UNC79: variants seen among roughly 807,000 people sequenced by gnomAD.
UNC79 encodes the protein protein unc-79 homolog.
UNC79 carries 37 observed loss-of-function variants against 283.1 expected under a neutral mutation model. That is an observed-to-expected ratio of 0.13 (90% CI 0.10 to 0.17). The LOEUF is 0.17. Ranked by LOEUF, UNC79 falls within the 10% of genes least tolerant of loss-of-function variation. The pLI is 1.00. For synonymous variants in UNC79, 1,107 were observed against 1,200.2 expected (o/e 0.92, Z 1.61); for missense variants, 2,272 against 3,211.1 (o/e 0.71, Z 7.07).
In UNC79 at chr14:93,479,699, G is replaced by A. The variant is rs369006894; in HGVS notation, c.619+1971G>A. On this transcript the variant is annotated intron_variant, in intron 4 of 48. Transcript: ENST00000555664. Reference sequence around the variant, plus strand: ...GCCTGGGCTGGAGTGCAGTGGCACAGTCATAGCTCACTGCAGCCTCAAACT... The same window carrying A: ...GCCTGGGCTGGAGTGCAGTGGCACAATCATAGCTCACTGCAGCCTCAAACT... Among the ~76,000 whole-genome samples, 14 of 152,184 alleles carry A rather than the reference G, an allele frequency of 9.2e-5. No homozygotes were observed. In the East Asian group the frequency reaches 1.7e-3, roughly 19 times the overall value.
At position 93,684,161 on chromosome 14, in the gene UNC79, A is replaced by C. The variant is rs1595062227; in HGVS notation, c.6819+1467A>C. 2.6e-5 allele frequency among the ~76,000 whole-genome samples: 4 copies of C among 152,332 alleles called. No homozygotes were observed. In the South Asian group the frequency reaches 8.3e-4, roughly 32 times the overall value. ...AATCTCTAGGACTTACTCACTTTGC[A>C]TAATTGAAGCCTTGGACCTTTTGAC... On this transcript the variant is annotated intron_variant, in intron 42 of 48. Transcript: ENST00000555664.
chr14:93,489,892 C>T (rs763246881), intron 5 of UNC79, among the ~76,000 whole-genome samples: 36 of 152,320 alleles, frequency 2.4e-4, no homozygotes, highest in Admixed American at 4.6e-4. Context: ...GGCTGGGGTC[C>T]GGTGCCCATG....
At chr14:93,439,132 A>G (rs534797532) in intron 1 of UNC79, among the ~76,000 whole-genome samples, 8 of 152,176 alleles carry the variant, frequency 5.3e-5, no homozygotes, top group Admixed American at 1.3e-4. Context: ...AAGATATACA[A>G]TTGTATGCTC....
intron 1 of UNC79, among the ~76,000 whole-genome samples, chr14:93,424,897 T>G (rs768808729): frequency 4.6e-5 from 7 of 152,142 alleles, no homozygotes; most frequent in Non-Finnish European, 1.0e-4. Context: ...AGAGAAATGC[T>G]TGAGGTGATG....
chr14:93,570,453 A>T (rs369460321), intron 14 of UNC79, among the ~76,000 whole-genome samples: 6 of 152,154 alleles, frequency 3.9e-5, no homozygotes, highest in African/African-American at 9.7e-5. Context: ...CTGCCCTCTG[A>T]GCATATCATT....
At chr14:93,404,513 TAA>T (rs1555404615) in intron 1 of UNC79, among the ~76,000 whole-genome samples, 31 of 113,260 alleles carry the variant, frequency 2.7e-4, no homozygotes, top group African/African-American at 1.0e-3. Context: ...TATATATATA[TAA>T]ATATATACAT....
chr14:93,653,819 G>A (rs866120639), exon 36 of UNC79: 2 of 1,614,124 alleles, frequency 1.2e-6, no homozygotes, highest in East Asian at 2.2e-5. Flanking sequence ...GCCCCCAACG[G>A]CATCTTCCCG....
chr14:93,452,492 G>A (rs541220360), intron 1 of UNC79, among the ~76,000 whole-genome samples: 2 of 150,662 alleles, frequency 1.3e-5, no homozygotes, highest in East Asian at 3.9e-4. Flanking sequence ...AGGTTCAAGC[G>A]ATTCTCCTTC....
chr14:93,595,304 G>T (rs2064995798), intron 23 of UNC79, among the ~76,000 whole-genome samples: 1 of 151,968 alleles, frequency 6.6e-6, no homozygotes, highest in African/African-American at 2.4e-5. Flanking sequence ...TGGCCAGGCT[G>T]GTCTTGAACT....
At chr14:93,452,313 T>C (rs2056667051) in intron 1 of UNC79, among the ~76,000 whole-genome samples, 2 of 151,914 alleles carry the variant, frequency 1.3e-5, no homozygotes, top group Admixed American at 1.3e-4. Context: ...AACTGGCACA[T>C]AGTTAACTAC....
At chr14:93,539,268 A>G (rs2141159999) in intron 12 of UNC79, among the ~76,000 whole-genome samples, 1 of 147,406 alleles carries the variant, frequency 6.8e-6, no homozygotes, top group East Asian at 2.1e-4. Flanking sequence ...CGCGCCTGTA[A>G]TCCCAGCACT....
chr14:93,566,747 C>T (rs7146206), intron 14 of UNC79, among the ~76,000 whole-genome samples: 108,416 of 150,120 alleles, frequency 0.72, 40,235 homozygotes, highest in Non-Finnish European at 0.79. Context: ...AAGCGATTCT[C>T]CTGCCTCAGC....
rs1555408706 is a variant in UNC79 at position 93,698,476 on chromosome 14, G to GATTTTTTTTTTTTTTTTTTTTTTTT, written c.7548+4064_7548+4065insATTTTTTTTTTTTTTTTTTTTTTTT. Among the ~76,000 whole-genome samples, 3 of 79,096 alleles carry GATTTTTTTTTTTTTTTTTTTTTTTT rather than the reference G, an allele frequency of 3.8e-5. 1 individual carries two copies. The highest frequency in any genetic ancestry group is 1.2e-4 in the African/African-American group (3 of 24,992). 51.9% of individuals were successfully genotyped at this position (79,096 alleles called of 152,430 possible). A position where few individuals can be genotyped will look rare whatever the true frequency, so the allele number is the denominator to read the frequency against. On this transcript the variant is annotated intron_variant, in intron 47 of 48. Transcript: ENST00000555664. Reference sequence around the variant, plus strand: ...TGGTAATATTTTTAGTTTAGTTTAGGTTTTTTTTTTTTTTTTTTTTTTTTT... The same window carrying GATTTTTTTTTTTTTTTTTTTTTTTT: ...TGGTAATATTTTTAGTTTAGTTTAGGATTTTTTTTTTTTTTTTTTTTTTTTTTTTTTTTTTTTTTTTTTTTTTTTT...
chr14:93,694,598 G>A (rs1341518827), intron 47 of UNC79, among the ~76,000 whole-genome samples, 186 bp downstream of exon 50: 1 of 152,134 alleles, frequency 6.6e-6, no homozygotes, highest in Admixed American at 6.5e-5. Context: ...GTCTACCACT[G>A]TGACCAACTT....
chr14:93,451,528 G>T (rs560536152), intron 1 of UNC79, among the ~76,000 whole-genome samples: 1 of 152,174 alleles, frequency 6.6e-6, no homozygotes, highest in Admixed American at 6.5e-5. Flanking sequence ...TTTCCATTCT[G>T]TTTGGTCTCT....
At chr14:93,679,878 T>C (rs1467191925) in intron 41 of UNC79, among the ~76,000 whole-genome samples, 1 of 152,238 alleles carries the variant, frequency 6.6e-6, no homozygotes, top group Non-Finnish European at 1.5e-5. Flanking sequence ...CTGATTCTTG[T>C]TATATATGAT....
At chr14:93,644,803 G>T (rs900827147) in intron 34 of UNC79, among the ~76,000 whole-genome samples, 2 of 152,176 alleles carry the variant, frequency 1.3e-5, no homozygotes, top group African/African-American at 4.8e-5. Flanking sequence ...AACCCCAAAA[G>T]TGTATGGCTT....
At chr14:93,614,449 T>C (rs2066543314) in intron 27 of UNC79, among the ~76,000 whole-genome samples, 2 of 152,014 alleles carry the variant, frequency 1.3e-5, no homozygotes, top group East Asian at 3.9e-4. Flanking sequence ...CCAGAATAGC[T>C]GGGATCACAG....
intron 7 of UNC79, among the ~76,000 whole-genome samples, chr14:93,521,709 A>G (rs2060328930): frequency 6.7e-6 from 1 of 149,134 alleles, no homozygotes; most frequent in South Asian, 2.2e-4. Flanking sequence ...TCTAATACCA[A>G]TTTTTCTATC....
Sources: allele counts gnomAD v4.1 joint callset (sites outside exome capture counted in the v4.1 genomes callset), GRCh38; gene constraint gnomAD v4.1.1; transcripts MANE v1.5; gene names NCBI Gene and HGNC (gene_info 2026-07-23, HGNC 2026-07-21).